The following CTNNA2 variants were observed in gnomAD, a reference collection of about 807,000 sequenced individuals.
CTNNA2 encodes the protein catenin alpha 2.
In CTNNA2, 42 loss-of-function variants were observed where a neutral mutation model predicts 101.0. That is an observed-to-expected ratio of 0.42 (90% CI 0.32 to 0.54). The LOEUF (loss-of-function observed/expected upper bound fraction) is 0.54, where lower values mean the gene tolerates loss of function less well. Among genes scored for constraint, CTNNA2 ranks in the 20% least tolerant of loss-of-function variants. The pLI is 0.14. For missense variants in CTNNA2, 871 were observed against 1,223.1 expected, an observed-to-expected ratio of 0.71 and a Z score of 4.29; for synonymous variants, 450 against 456.4, an observed-to-expected ratio of 0.99 and a Z score of 0.18.
chr2:79,680,324 T>C (rs1683475257), intron 2 of CTNNA2, among the ~76,000 whole-genome samples: 1 of 152,024 alleles, frequency 6.6e-6, no homozygotes, highest in Non-Finnish European at 1.5e-5. Context: ...TTAGTTTGAG[T>C]CCAGTCAACA....
At chr2:80,488,108 C>G (rs568684267) in intron 9 of CTNNA2, among the ~76,000 whole-genome samples, 4 of 152,032 alleles carry the variant, frequency 2.6e-5, no homozygotes, top group Non-Finnish European at 4.4e-5. Context: ...TTCGAGTTTC[C>G]GAATAAAAAT....
At chr2:80,113,103 G>A (rs555955022) in intron 7 of CTNNA2, among the ~76,000 whole-genome samples, 18 of 152,292 alleles carry the variant, frequency 1.2e-4, no homozygotes, top group African/African-American at 2.2e-4. Context: ...TTTCTGGGGC[G>A]AGGAGTGTAC....
At chr2:79,477,122 A>T (rs1347938962) in intron 4 of CTNNA2, among the ~76,000 whole-genome samples, 1 of 148,636 alleles carries the variant, frequency 6.7e-6, no homozygotes, top group Non-Finnish European at 1.5e-5. Context: ...AGATGAGTTC[A>T]TTGCATCATT....
chr2:80,307,363 G>A (rs959895084), intron 7 of CTNNA2, among the ~76,000 whole-genome samples: 99 of 152,172 alleles, frequency 6.5e-4, no homozygotes, highest in African/African-American at 2.0e-3. Context: ...GAGTGTTTCA[G>A]CAAAGTTGAA....
At chr2:79,288,572 C>G (rs1027617269) in intron 2 of CTNNA2, among the ~76,000 whole-genome samples, 2 of 152,150 alleles carry the variant, frequency 1.3e-5, no homozygotes, top group Non-Finnish European at 2.9e-5. Context: ...ATTTCTCTCT[C>G]TCTCCCTCTC....
chr2:79,316,720 A>G (rs901623038), intron 3 of CTNNA2, among the ~76,000 whole-genome samples: 4 of 151,690 alleles, frequency 2.6e-5, no homozygotes, highest in Admixed American at 6.6e-5. Context: ...TGGATTTTTC[A>G]TCTCTAGTAT....
intron 7 of CTNNA2, among the ~76,000 whole-genome samples, chr2:80,218,198 G>T (rs1708380996): frequency 6.6e-6 from 1 of 152,218 alleles, no homozygotes; most frequent in Non-Finnish European, 1.5e-5. Flanking sequence ...CCATAAGTCT[G>T]GCTCTACCCA....
chr2:79,779,418 A>C (rs1244595707), intron 3 of CTNNA2, among the ~76,000 whole-genome samples: 1 of 152,174 alleles, frequency 6.6e-6, no homozygotes, highest in Non-Finnish European at 1.5e-5. Context: ...GAGGGTGCGG[A>C]TGGCCTGAGG....
chr2:80,506,348 G>C (rs908934870), intron 9 of CTNNA2, among the ~76,000 whole-genome samples: 1 of 152,176 alleles, frequency 6.6e-6, no homozygotes, highest in African/African-American at 2.4e-5. Flanking sequence ...CAGGAAGACC[G>C]GTGAGAAAAC....
chr2:79,383,182 A>G (rs986052794), intron 4 of CTNNA2, among the ~76,000 whole-genome samples: 1 of 152,238 alleles, frequency 6.6e-6, no homozygotes, highest in Non-Finnish European at 1.5e-5. Flanking sequence ...AGTAGAAGAT[A>G]AAGTGCCTTT....
At position 80,072,243 on chromosome 2, in the gene CTNNA2, C is replaced by T. The variant is rs368679614; in HGVS notation, c.1056+162446C>T. ...GGCTACTCAGCATTCCACAAGACAT[C>T]TCATATTTGGTACTTTGCACAGATC... On this transcript the variant is annotated intron_variant, in intron 7 of 18. Transcript: ENST00000402739. Among the ~76,000 whole-genome samples the T allele has an allele frequency of 6.6e-5, 10 of 152,298 alleles. 1 individual carries two copies. In the South Asian group the frequency reaches 1.0e-3, roughly 16 times the overall value.
intron 3 of CTNNA2, among the ~76,000 whole-genome samples, chr2:79,342,442 A>G (rs1358591955): frequency 6.6e-6 from 1 of 152,198 alleles, no homozygotes; most frequent in African/African-American, 2.4e-5. Flanking sequence ...CACATTCTTC[A>G]TATTTGCCTC....
intron 3 of CTNNA2, among the ~76,000 whole-genome samples, chr2:79,773,463 C>G (rs1316557834): frequency 6.6e-6 from 1 of 152,104 alleles, no homozygotes; most frequent in African/African-American, 2.4e-5. Context: ...AGGGAGGGGG[C>G]TTCTAGGTCA....
chr2:79,363,774 C>T (rs565697929), intron 3 of CTNNA2, among the ~76,000 whole-genome samples: 3 of 152,172 alleles, frequency 2.0e-5, no homozygotes, highest in South Asian at 2.1e-4. Flanking sequence ...ATTACAGGCC[C>T]GAGGAGCAAA....
At chr2:79,363,118 C>G (rs543684101) in intron 3 of CTNNA2, among the ~76,000 whole-genome samples, 1 of 152,338 alleles carries the variant, frequency 6.6e-6, no homozygotes, top group African/African-American at 2.4e-5. Flanking sequence ...GGCTAGGTGG[C>G]TTAAACAACA....
intron 1 of CTNNA2, among the ~76,000 whole-genome samples, chr2:79,625,760 C>T (rs1679264447): frequency 6.6e-6 from 1 of 152,156 alleles, no homozygotes; most frequent in South Asian, 2.1e-4. Context: ...AGAGTGAAAA[C>T]ACTGATACTT....
At chr2:80,315,413 C>T (rs1240699032) in intron 7 of CTNNA2, among the ~76,000 whole-genome samples, 1 of 152,164 alleles carries the variant, frequency 6.6e-6, no homozygotes, top group African/African-American at 2.4e-5. Context: ...CCATGATCAA[C>T]TGGAAAATTA....
chr2:79,993,257 T>C (rs1291606163), intron 7 of CTNNA2, among the ~76,000 whole-genome samples: 6 of 152,200 alleles, frequency 3.9e-5, no homozygotes, highest in African/African-American at 1.4e-4. Context: ...TTAAACTGTC[T>C]TTAAACCTGC....
chr2:79,494,208 T>C (rs1165890703), intron 4 of CTNNA2, among the ~76,000 whole-genome samples: 1 of 151,684 alleles, frequency 6.6e-6, no homozygotes, highest in Non-Finnish European at 1.5e-5. Flanking sequence ...CTCATGTTCA[T>C]GGAACAGATA....
Sources: allele counts gnomAD v4.1 joint callset (sites outside exome capture counted in the v4.1 genomes callset), GRCh38; gene constraint gnomAD v4.1.1; transcripts MANE v1.5; gene names NCBI Gene and HGNC (gene_info 2026-07-23, HGNC 2026-07-21).